The following ROBO2 variants were observed in gnomAD, a reference collection of about 807,000 sequenced individuals.
ROBO2 encodes the protein roundabout guidance receptor 2.
In ROBO2, 53 loss-of-function variants were observed where a neutral mutation model predicts 160.8. The ratio of observed to expected loss-of-function variants is 0.33; its 90% CI spans 0.26 to 0.41. The LOEUF is 0.41. ROBO2 is among the 10% of genes least tolerant of loss of function. ROBO2 has a pLI of 1.00. For synonymous variants in ROBO2, 664 were observed against 611.7 expected (o/e 1.09, Z -1.26); for missense variants, 1,577 against 1,722.4 (o/e 0.92, Z 1.49).
At chr3:76,105,302 A>G (rs9840793) in intron 2 of ROBO2, among the ~76,000 whole-genome samples, 19,301 of 152,180 alleles carry the variant, frequency 0.13, 1,335 homozygotes, top group African/African-American at 0.14. Context: ...CAAGAATTGC[A>G]CACCTTCTAT....
At chr3:76,723,825 C>G (rs1485401481) in intron 2 of ROBO2, among the ~76,000 whole-genome samples, 1 of 152,182 alleles carries the variant, frequency 6.6e-6, no homozygotes, top group African/African-American at 2.4e-5. Context: ...GAGTTGTCTA[C>G]TACCTGTATC....
chr3:76,778,368 G>A (rs975443128), intron 2 of ROBO2, among the ~76,000 whole-genome samples: 8 of 151,094 alleles, frequency 5.3e-5, no homozygotes, highest in Admixed American at 4.6e-4. Flanking sequence ...TATGAGCAAA[G>A]GTTATGTGTT....
intron 1 of ROBO2, among the ~76,000 whole-genome samples, chr3:75,908,601 G>A (rs184415291): frequency 2.3e-4 from 35 of 152,066 alleles, no homozygotes; most frequent in Non-Finnish European, 4.3e-4. Flanking sequence ...TTAACTTCAA[G>A]TTTAGTTCTT....
intron 2 of ROBO2, among the ~76,000 whole-genome samples, chr3:76,370,351 T>A (rs1231776651): frequency 6.6e-6 from 1 of 151,964 alleles, no homozygotes; most frequent in East Asian, 1.9e-4. Context: ...TTGCTCAATA[T>A]GTCAGTTCAA....
At chr3:75,916,959 A>T (rs1444588949) in intron 1 of ROBO2, among the ~76,000 whole-genome samples, 4 of 147,404 alleles carry the variant, frequency 2.7e-5, no homozygotes, top group African/African-American at 5.0e-5. Flanking sequence ...ATATGTACAT[A>T]ATGAAAATGA....
chr3:76,734,899 A>G (rs2093685698), intron 2 of ROBO2, among the ~76,000 whole-genome samples: 1 of 152,236 alleles, frequency 6.6e-6, no homozygotes, highest in African/African-American at 2.4e-5. Context: ...AATAAATAAG[A>G]TGAATTTCAA....
intron 2 of ROBO2, among the ~76,000 whole-genome samples, chr3:76,948,020 T>C (rs2078679323): frequency 6.6e-6 from 1 of 152,220 alleles, no homozygotes. Context: ...GTATTCTCTT[T>C]AGAATTTCTT....
At chr3:77,620,120 T>C (rs2094870107) in intron 22 of ROBO2, among the ~76,000 whole-genome samples, 1 of 152,170 alleles carries the variant, frequency 6.6e-6, no homozygotes, top group Non-Finnish European at 1.5e-5. Flanking sequence ...TCTGAGTGTG[T>C]TCCTACTCAA....
chr3:77,491,865 A>T (rs2086161383), intron 4 of ROBO2, among the ~76,000 whole-genome samples: 1 of 152,172 alleles, frequency 6.6e-6, no homozygotes, highest in African/African-American at 2.4e-5. Context: ...GAGATATACA[A>T]TAGTCTTCCT....
At chr3:76,677,711 A>G (rs72888353) in intron 2 of ROBO2, among the ~76,000 whole-genome samples, 2,642 of 152,182 alleles carry the variant, frequency 0.017, 87 homozygotes, top group African/African-American at 0.06. Context: ...TTATACTAAG[A>G]AAGAAAAAAA....
At chr3:77,399,164 G>A (rs894206051) in intron 2 of ROBO2, among the ~76,000 whole-genome samples, 3 of 152,068 alleles carry the variant, frequency 2.0e-5, no homozygotes, top group African/African-American at 7.2e-5. Flanking sequence ...ACTTGGGGCA[G>A]TAAATGATTC....
chr3:76,090,559 TC>T (rs1458351081), intron 2 of ROBO2, among the ~76,000 whole-genome samples: 3 of 152,184 alleles, frequency 2.0e-5, no homozygotes, highest in African/African-American at 7.2e-5. Context: ...TCCCAAATAA[TC>T]TTAGCAAGTT....
At chr3:76,102,629 A>T (rs764164941) in intron 2 of ROBO2, among the ~76,000 whole-genome samples, 2 of 152,202 alleles carry the variant, frequency 1.3e-5, no homozygotes, top group Non-Finnish European at 2.9e-5. Context: ...AAAAGTGTGC[A>T]TTGGATTTAG....
At chr3:77,219,434 G>GTGTGTA (rs1553852643) in intron 2 of ROBO2, among the ~76,000 whole-genome samples, 3 of 115,260 alleles carry the variant, frequency 2.6e-5, no homozygotes, top group Admixed American at 9.7e-5. Flanking sequence ...GTATGTGTGT[G>GTGTGTA]TATATATATA....
intron 2 of ROBO2, among the ~76,000 whole-genome samples, chr3:77,025,492 T>C (rs2062907494): frequency 6.6e-6 from 1 of 152,190 alleles, no homozygotes; most frequent in Non-Finnish European, 1.5e-5. Flanking sequence ...TTGGTTAACA[T>C]GATAACTAAC....
intron 2 of ROBO2, among the ~76,000 whole-genome samples, chr3:76,851,548 A>C: frequency 6.6e-6 from 1 of 151,242 alleles, no homozygotes. Context: ...ATCCTGGCTA[A>C]CAAGGTGAAA....
intron 2 of ROBO2, among the ~76,000 whole-genome samples, chr3:76,474,946 G>A (rs2078854638): frequency 6.6e-6 from 1 of 151,994 alleles, no homozygotes; most frequent in Admixed American, 6.6e-5. Context: ...CGTCAGAAAC[G>A]CAAGATAACA....
chr3:77,405,444 A>G (rs2076178356), intron 2 of ROBO2, among the ~76,000 whole-genome samples: 1 of 152,062 alleles, frequency 6.6e-6, no homozygotes, highest in Admixed American at 6.6e-5. Context: ...ATCTATCTTC[A>G]TATTCTAATT....
intron 2 of ROBO2, among the ~76,000 whole-genome samples, chr3:77,310,276 C>T (rs140614851): frequency 2.5e-4 from 38 of 151,958 alleles, no homozygotes; most frequent in African/African-American, 8.7e-4. Flanking sequence ...CTGATGGTAT[C>T]TAAAAAAAAG....
Sources: gnomAD v4.1 joint callset for allele counts (sites outside exome capture counted in the v4.1 genomes callset) on GRCh38, gnomAD v4.1.1 for gene constraint, MANE v1.5 for transcripts, NCBI Gene and HGNC (gene_info 2026-07-23, HGNC 2026-07-21) for gene names.